SEL1L2: variants seen among roughly 807,000 people sequenced by gnomAD.
SEL1L2 encodes protein sel-1 homolog 2.
Under a neutral mutation model 98.8 loss-of-function variants are expected in SEL1L2, and 89 were observed. That is an observed-to-expected ratio of 0.90 (90% CI 0.76 to 1.07). The LOEUF (loss-of-function observed/expected upper bound fraction) is 1.07. SEL1L2 is among the 50% of genes least tolerant of loss of function. SEL1L2 has a pLI of 0.00. For missense variants in SEL1L2, 788 were observed against 812.0 expected (o/e 0.97, Z 0.36); for synonymous variants, 262 against 278.5 (o/e 0.94, Z 0.59).
chr20:13,931,426 CA>C (rs11087068), intron 3 of SEL1L2, among the ~76,000 whole-genome samples, 176 bp downstream of exon 3: 54,649 of 151,244 alleles, frequency 0.36, 10,588 homozygotes, highest in South Asian at 0.48. Context: ...GACCCTGTCT[CA>C]AAAAAATAAA....
chr20:13,866,575 A>G lies in SEL1L2; in HGVS notation c.1404+127T>C, dbSNP rs889439169. On this transcript the variant is annotated intron_variant, in intron 15 of 19. Transcript: ENST00000284951. ...TCCCCTCTGACAAATGTCAGTATTC[A>G]CATTGTCAACTGGAAGAAAAGAGGT... 2.1e-5 allele frequency: 17 copies of G among 802,314 alleles called. No homozygotes were observed. The South Asian group carries it at 2.3e-4, about 11-fold the overall frequency. The allele number at this position is 802,314 out of a possible 1,614,324, so 49.7% of individuals were successfully genotyped here.
intron 12 of SEL1L2, among the ~76,000 whole-genome samples, chr20:13,873,509 G>A (rs1228282669): frequency 6.6e-6 from 1 of 151,984 alleles, no homozygotes; most frequent in African/African-American, 2.4e-5. Context: ...CTATAGGCAT[G>A]TGCCACCATG....
At chr20:13,869,429 G>A in intron 14 of SEL1L2, 74 bp downstream of exon 14, 4 of 1,130,120 alleles carry the variant, frequency 3.5e-6, no homozygotes, top group East Asian at 2.4e-5. Context: ...AACCTTTGAT[G>A]TTTGTTATAA....
chr20:13,992,653 A>G (rs2052567395), upstream of SEL1L2, among the ~76,000 whole-genome samples: 1 of 152,180 alleles, frequency 6.6e-6, no homozygotes, highest in South Asian at 2.1e-4. Context: ...TAATAATTTA[A>G]TTGTTATAAA....
chr20:13,870,922 C>CA (rs534578783), intron 12 of SEL1L2, among the ~76,000 whole-genome samples: 14,729 of 52,688 alleles, frequency 0.28, 1,476 homozygotes, highest in East Asian at 0.43. Flanking sequence ...AACTCCATCT[C>CA]AAAAAAAAAA....
intron 1 of SEL1L2, among the ~76,000 whole-genome samples, chr20:13,975,199 T>C (rs2051478559): frequency 6.6e-6 from 1 of 152,216 alleles, no homozygotes; most frequent in Admixed American, 6.5e-5. Context: ...AAACTGATTG[T>C]CACTATTAGA....
chr20:13,985,705 A>G (rs1309263753), intron 1 of SEL1L2, among the ~76,000 whole-genome samples: 3 of 152,158 alleles, frequency 2.0e-5, no homozygotes, highest in African/African-American at 7.2e-5. Context: ...CTACAATTCA[A>G]TGGCCTTTAG....
At chr20:13,948,324 G>C (rs1176524507) in intron 2 of SEL1L2, among the ~76,000 whole-genome samples, 2 of 151,520 alleles carry the variant, frequency 1.3e-5, no homozygotes, top group African/African-American at 4.9e-5. Context: ...TGAAAAAGAA[G>C]ACTAAAGTTG....
chr20:13,979,448 G>C (rs1231247202), intron 1 of SEL1L2, among the ~76,000 whole-genome samples: 1 of 152,162 alleles, frequency 6.6e-6, no homozygotes, highest in Non-Finnish European at 1.5e-5. Flanking sequence ...GAGGTGCTAT[G>C]CTAATAACTG....
intron 4 of SEL1L2, among the ~76,000 whole-genome samples, chr20:13,915,970 C>A (rs138679990): frequency 1.3e-5 from 2 of 152,102 alleles, no homozygotes; most frequent in Non-Finnish European, 2.9e-5. Context: ...TGTAGAACAA[C>A]GGCTTATCTT....
intron 14 of SEL1L2, among the ~76,000 whole-genome samples, chr20:13,868,457 G>C (rs188451690): frequency 9.1e-4 from 138 of 152,074 alleles, no homozygotes; most frequent in Non-Finnish European, 1.6e-3. Context: ...TTCCCTTTAA[G>C]GGCATGCTGC....
intron 5 of SEL1L2, among the ~76,000 whole-genome samples, chr20:13,900,090 T>G (rs2047603446): frequency 6.6e-6 from 1 of 152,210 alleles, no homozygotes; most frequent in African/African-American, 2.4e-5. Context: ...AGTAAAACCA[T>G]CTGAGTGTAG....
chr20:13,917,114 C>T (rs1445582463), intron 4 of SEL1L2, among the ~76,000 whole-genome samples: 1 of 152,092 alleles, frequency 6.6e-6, no homozygotes, highest in African/African-American at 2.4e-5. Context: ...TTTGTGTGGG[C>T]TCCCATGCTA....
At position 13,947,455 on chromosome 20, in the gene SEL1L2, G is replaced by A. The variant is rs187265733; in HGVS notation, c.114+8621C>T. 4.1e-3 allele frequency among the ~76,000 whole-genome samples: 631 copies of A among 152,108 alleles called. 16 individuals are homozygous for A. The highest frequency in any genetic ancestry group is 0.036 in the Admixed American group (555 of 15,284). Reference sequence around the variant, plus strand: ...CTGCGGAAAGGAGCTACCCACTTTGGGTCTCCTGAAAGCTGTACTGTCGCT... The same window carrying A: ...CTGCGGAAAGGAGCTACCCACTTTGAGTCTCCTGAAAGCTGTACTGTCGCT... On this transcript the variant is annotated intron_variant, in intron 2 of 19. Coordinates refer to ENST00000284951, the MANE Select transcript of SEL1L2 (RefSeq NM_025229.2).
At chr20:13,972,461 T>C (rs1449799999) in intron 1 of SEL1L2, among the ~76,000 whole-genome samples, 2 of 152,014 alleles carry the variant, frequency 1.3e-5, no homozygotes, top group Non-Finnish European at 2.9e-5. Context: ...TAAGCCTTTA[T>C]TTAGATTTAT....
chr20:13,937,428 C>T (rs1163143438), intron 2 of SEL1L2, among the ~76,000 whole-genome samples: 1 of 152,208 alleles, frequency 6.6e-6, no homozygotes, highest in Non-Finnish European at 1.5e-5. Context: ...GGAGCCTGCT[C>T]TCTTCAGCTG....
At chr20:13,921,330 C>A (rs866492235) in intron 3 of SEL1L2, among the ~76,000 whole-genome samples, 1 of 152,162 alleles carries the variant, frequency 6.6e-6, no homozygotes, top group African/African-American at 2.4e-5. Context: ...TGCCACCACG[C>A]CCAGCTAATT....
intron 1 of SEL1L2, among the ~76,000 whole-genome samples, chr20:13,962,278 T>G (rs1393223746): frequency 6.6e-6 from 1 of 152,210 alleles, no homozygotes; most frequent in African/African-American, 2.4e-5. Flanking sequence ...TTCCCACTCC[T>G]TATGTCTGGG....
intron 2 of SEL1L2, among the ~76,000 whole-genome samples, chr20:13,945,299 A>G (rs2049958025): frequency 6.6e-6 from 1 of 152,134 alleles, no homozygotes; most frequent in African/African-American, 2.4e-5. Context: ...TCTTTATCCC[A>G]TTTAGTGTGA....
Sources: allele counts gnomAD v4.1 joint callset (sites outside exome capture counted in the v4.1 genomes callset), GRCh38; gene constraint gnomAD v4.1.1; transcripts MANE v1.5; gene names NCBI Gene and HGNC (gene_info 2026-07-23, HGNC 2026-07-21).